Variants in KNSTRN observed in about 807,000 individuals in gnomAD.
The protein encoded by KNSTRN is kinetochore localized astrin (SPAG5) binding protein.
Under a neutral mutation model 44.7 loss-of-function variants are expected in KNSTRN, and 38 were observed. That is an observed-to-expected ratio of 0.85 (90% CI 0.66 to 1.11). The LOEUF is 1.11. Among genes scored for constraint, KNSTRN ranks in the 50% most tolerant of loss-of-function variants. The probability of loss-of-function intolerance (pLI) is 0.00; values close to 1 mark genes in which losing one functional copy is unlikely to be tolerated. For synonymous variants in KNSTRN, 158 were observed against 148.1 expected (o/e 1.07, Z -0.48); for missense variants, 406 against 375.8 (o/e 1.08, Z -0.66).
Position 40,387,173 on chromosome 15 carries a change from C to T in KNSTRN, c.452C>T (p.Thr151Ile). The part of the protein sequence containing the change: ...LRRENGQMKA[T>I]DTATRRNVRK... ...TGCCCTCCTAGGCAAATGAAAGCTA[C>T]TGACACTGCCACCAGAAGGAATGTC... Residue 151 changes from threonine to isoleucine, a missense_variant, in exon 4 of 9, where the codon ACT (threonine) becomes ATT (isoleucine). Thr to Ile is a moderately conservative substitution (Grantham distance 89). Coordinates refer to ENST00000249776, the MANE Select transcript of KNSTRN (RefSeq NM_033286.4). The T allele has an allele frequency of 1.2e-6, 2 of 1,613,342 alleles. No homozygotes were observed. Among genetic ancestry groups the T allele is most frequent in the Non-Finnish European group, 1.7e-6 (2 of 1,179,328 alleles).
At chr15:40,393,229 T>C (rs746451611) in intron 8 of KNSTRN, 2 of 1,613,948 alleles carry the variant, frequency 1.2e-6, no homozygotes, top group South Asian at 2.2e-5. Flanking sequence ...GCACCAAATG[T>C]AGAGGATTTC....
In KNSTRN at chr15:40,383,270, G is replaced by A; in HGVS notation, c.252G>A (p.Lys84=). Residue 84 remains lysine (K), a synonymous_variant, in exon 2 of 9, where the codon AAG becomes AAA. Coordinates refer to ENST00000249776, the MANE Select transcript of KNSTRN (RefSeq NM_033286.4). The part of the protein sequence containing the change: ...CRLVTMTSVV[K]TVYSLQPPSA... ...TCGTTACGATGACCAGTGTGGTTAA[G>A]ACAGTGTATAGCCTGCAGCCCCCCT... is the stretch of plus-strand genomic sequence containing the variant. 4 of 1,614,138 alleles carry A rather than the reference G, an allele frequency of 2.5e-6. No individual in the cohort carries two copies. Among genetic ancestry groups the A allele is most frequent in the Non-Finnish European group, 3.4e-6 (4 of 1,180,010 alleles).
chr15:40,389,711 G>C (rs534211234), intron 5 of KNSTRN, 100 bp downstream of exon 5: 92 of 1,294,136 alleles, frequency 7.1e-5, no homozygotes, highest in Non-Finnish European at 4.5e-6. Flanking sequence ...TTAATGCACA[G>C]ATGCCCAAGG....
At chr15:40,383,168 C>T (rs1342562232) in intron 1 of KNSTRN, 60 bp from the exon 2 acceptor site, 25 of 1,584,278 alleles carry the variant, frequency 1.6e-5, no homozygotes, top group Non-Finnish European at 1.0e-5. Context: ...ATCCCCGGGC[C>T]CTCCACTCTC....
At chr15:40,391,696 T>C in intron 7 of KNSTRN, 142 bp downstream of exon 7, 1 of 739,728 alleles carries the variant, frequency 1.4e-6, no homozygotes, top group African/African-American at 1.8e-5. Flanking sequence ...AAATGGGATG[T>C]GTACTCAAAA....
chr15:40,390,017 G>A (rs1889972274), intron 6 of KNSTRN, 88 bp downstream of exon 6: 1 of 1,005,546 alleles, frequency 9.9e-7, no homozygotes. Context: ...GGCATCAGCT[G>A]GCCCAGTATG....
Position 40,383,210 on chromosome 15 carries a change from T to C in KNSTRN, c.210-18T>C. The C allele has an allele frequency of 6.2e-7, 1 of 1,612,000 alleles. No individual in the cohort carries two copies. The highest frequency in any genetic ancestry group is 8.5e-7 in the Non-Finnish European group (1 of 1,178,172). On this transcript the variant is annotated intron_variant, in intron 1 of 8. Transcript: ENST00000249776. The stretch of plus-strand genomic sequence containing the variant: ...CCAGTGGCCCAGCGCTGGGTAACAT[T>C]CATCCTGTACCTTCCAGGGTTCAGC...
At chr15:40,383,076 G>A in intron 1 of KNSTRN, 32 bp downstream of exon 1, 6 of 1,603,990 alleles carry the variant, frequency 3.7e-6, no homozygotes, top group Non-Finnish European at 5.1e-6. Flanking sequence ...GGACTGGGCT[G>A]GATGGGAGGA....
chr15:40,383,106 A>G, intron 1 of KNSTRN, 62 bp downstream of exon 1: 1 of 1,597,276 alleles, frequency 6.3e-7, no homozygotes, highest in Non-Finnish European at 8.6e-7. Flanking sequence ...TGAGCTGGGA[A>G]AGGAGGATTT....
chr15:40,392,797 G>A lies in KNSTRN; in HGVS notation c.823-672G>A, dbSNP rs143802628. Among the ~76,000 whole-genome samples, 144 of 151,554 alleles carry A rather than the reference G, an allele frequency of 9.5e-4. 2 individuals carry two copies. The highest frequency in any genetic ancestry group is 3.2e-3 in the African/African-American group (133 of 41,508). Reference sequence around the variant, plus strand: ...GGCTAATTTTTATATTTTTAGTAGAGACAGGGTTTCACTGTGTTGGCCAGG... The same window carrying A: ...GGCTAATTTTTATATTTTTAGTAGAAACAGGGTTTCACTGTGTTGGCCAGG... On this transcript the variant is annotated intron_variant, in intron 8 of 8. Transcript: ENST00000249776.
Position 40,382,945 on chromosome 15 carries a change from A to G in KNSTRN, c.110A>G (p.Glu37Gly). The G allele has an allele frequency of 6.2e-7, 1 of 1,612,272 alleles. No homozygotes were observed. Among genetic ancestry groups the G allele is most frequent in the Non-Finnish European group, 8.5e-7 (1 of 1,180,040 alleles). Reference sequence around the variant, plus strand: ...CCTAGCTACCGGAAGTTTCTATTTGAAACCCAGGCGGCCGACTTAGCCGGT... The same window carrying G: ...CCTAGCTACCGGAAGTTTCTATTTGGAACCCAGGCGGCCGACTTAGCCGGT... ...LPPSYRKFLF[E>G]TQAADLAGGT... Residue 37 changes from glutamate to glycine, a missense_variant, in exon 1 of 9, where the codon GAA (glutamate) becomes GGA (glycine). Physicochemically the swap from Glu to Gly is moderately conservative, Grantham distance 98 (BLOSUM62 -2). Transcript: ENST00000249776.
intron 2 of KNSTRN, among the ~76,000 whole-genome samples, chr15:40,383,838 G>T (rs371326369): frequency 6.6e-6 from 1 of 152,192 alleles, no homozygotes; most frequent in Non-Finnish European, 1.5e-5. Flanking sequence ...GAGAAACTTG[G>T]GCGAAGAGAG....
intron 2 of KNSTRN, 25 bp from the exon 3 acceptor site, chr15:40,386,337 C>T (rs755555182): frequency 1.2e-6 from 2 of 1,609,026 alleles, no homozygotes; most frequent in Non-Finnish European, 1.7e-6. Context: ...ATGCCAGAAG[C>T]TTTACCTCTC....
At position 40,389,898 on chromosome 15, in the gene KNSTRN, G is replaced by T. The variant is rs766275025; in HGVS notation, c.654G>T (p.Leu218Phe). 3 of 1,614,072 alleles carry T rather than the reference G, an allele frequency of 1.9e-6. No homozygotes were observed. The highest frequency in any genetic ancestry group is 1.1e-5 in the South Asian group (1 of 91,078). The change falls in exon 6 of 9, where the codon TTG becomes TTT. Residue 218 changes from leucine to phenylalanine, a missense_variant. Physicochemically the swap from Leu to Phe is conservative, Grantham distance 22. Coordinates refer to ENST00000249776, the MANE Select transcript of KNSTRN (RefSeq NM_033286.4). ...ELLEKFRDNC[L>F]AILESKGLDP... ...TGGAGAAGTTTCGGGACAACTGTTT[G>T]GCAATTTTGGAGAGCAAGGGCCTTG...
In KNSTRN at chr15:40,389,789, C is replaced by A. The variant is rs185769166; in HGVS notation, c.592-47C>A. 7.2e-5 allele frequency: 113 copies of A among 1,576,622 alleles called. No homozygotes were observed. In the African/African-American group the frequency reaches 1.4e-3, roughly 19 times the overall value. The stretch of plus-strand genomic sequence containing the variant: ...CAAGGGCAAGAAAGGGCAACCACCC[C>A]TAGGGAGTTGGACAATTCCTGATCT... On this transcript the variant is annotated intron_variant, in intron 5 of 8. Coordinates refer to ENST00000249776, the MANE Select transcript of KNSTRN (RefSeq NM_033286.4).
chr15:40,387,723 G>C (rs556827309), intron 4 of KNSTRN, among the ~76,000 whole-genome samples: 12 of 152,116 alleles, frequency 7.9e-5, no homozygotes, highest in Non-Finnish European at 1.6e-4. Context: ...AAGTTTTGAA[G>C]ACAGCAGGGC....
chr15:40,386,777 A>G (rs1332005217), intron 3 of KNSTRN: 1 of 505,710 alleles, frequency 2.0e-6, no homozygotes, highest in African/African-American at 1.9e-5. Context: ...CCTGAGGGGT[A>G]GTCATGCAGG....
chr15:40,386,781 A>T, intron 3 of KNSTRN: 1 of 506,194 alleles, frequency 2.0e-6, no homozygotes, highest in Non-Finnish European at 3.6e-6. Context: ...AGGGGTAGTC[A>T]TGCAGGGTGG....
In KNSTRN at chr15:40,393,583, C is replaced by G. The variant is rs746096458; in HGVS notation, c.937C>G (p.Leu313Val). ...LTTALKEMEQ[L>V]LEM is the part of the protein sequence containing the mutation. ...AACAGCCCTTAAGGAAATGGAGCAG[C>G]TATTAGAAATGTAAGAAGAAGCAAG... Residue 313 changes from leucine to valine, a missense_variant, in exon 9 of 9, where the codon CTA (leucine) becomes GTA (valine). Leu to Val is a conservative substitution (Grantham distance 32). Coordinates refer to ENST00000249776, the MANE Select transcript of KNSTRN (RefSeq NM_033286.4). The G allele has an allele frequency of 1.1e-5, 17 of 1,613,380 alleles. No homozygotes were observed. The East Asian group carries it at 3.3e-4, about 32-fold the overall frequency.
Sources: gnomAD v4.1 joint callset for allele counts (sites outside exome capture counted in the v4.1 genomes callset) on GRCh38, gnomAD v4.1.1 for gene constraint, MANE v1.5 for transcripts, NCBI Gene and HGNC (gene_info 2026-07-23, HGNC 2026-07-21) for gene names.